The following PIK3R1 variants were observed in gnomAD, a reference collection of about 807,000 sequenced individuals.
PIK3R1 encodes phosphatidylinositol 3-kinase regulatory subunit alpha.
In PIK3R1, 29 loss-of-function variants were observed where a neutral mutation model predicts 98.0. The observed-to-expected ratio is 0.30, with a 90% confidence interval of 0.22 to 0.40. The LOEUF (loss-of-function observed/expected upper bound fraction) is 0.40, where lower values mean the gene tolerates loss of function less well. PIK3R1 is among the 10% of genes least tolerant of loss of function. The pLI, the probability that PIK3R1 is intolerant of heterozygous loss-of-function variation, is 1.00. For synonymous variants in PIK3R1, 282 were observed against 311.8 expected (o/e 0.90, Z 1.01); for missense variants, 596 against 872.7 (o/e 0.68, Z 3.99).
chr5:68,293,061 T>C, intron 8 of PIK3R1, 40 bp from the exon 9 acceptor site: 1 of 1,503,042 alleles, frequency 6.7e-7, no homozygotes, highest in South Asian at 1.1e-5. Flanking sequence ...CTGTGGTCAC[T>C]AAACCTTAAG....
At chr5:68,264,739 A>C (rs1254059115) in intron 2 of PIK3R1, among the ~76,000 whole-genome samples, 1 of 152,212 alleles carries the variant, frequency 6.6e-6, no homozygotes, top group African/African-American at 2.4e-5. Flanking sequence ...TGGCATGGGC[A>C]TCAGGAGGCC....
intron 12 of PIK3R1, 79 bp from the exon 13 acceptor site, chr5:68,295,069 A>G (rs1298460627): frequency 8.3e-7 from 1 of 1,205,422 alleles, no homozygotes; most frequent in Non-Finnish European, 1.1e-6. Context: ...CTGGGAAACC[A>G]TAGTGAAACT....
intron 1 of PIK3R1, among the ~76,000 whole-genome samples, chr5:68,225,094 G>A (rs1417941672): frequency 1.3e-5 from 2 of 152,232 alleles, no homozygotes; most frequent in South Asian, 2.1e-4. Context: ...CTCCTGTCTG[G>A]ATGCCTTTGC....
At position 68,300,709 on chromosome 5, in the gene PIK3R1, T is replaced by C; in HGVS notation, c.*3108T>C. 1 of 233,264 alleles carries C rather than the reference T, an allele frequency of 4.3e-6. No individual in the cohort carries two copies. Among genetic ancestry groups the C allele is most frequent in the East Asian group, 6.0e-5 (1 of 16,574 alleles). The allele number at this position is 233,264 out of a possible 1,614,324, so 14.4% of individuals were successfully genotyped here. A position where few individuals can be genotyped will look rare whatever the true frequency, so the allele number is the denominator to read the frequency against. Reference sequence around the variant, plus strand: ...ACAGTAGTTGTTGAGTTCAAGTACATAAAGTACATAACAAGCGAACGTCTA... The same window carrying C: ...ACAGTAGTTGTTGAGTTCAAGTACACAAAGTACATAACAAGCGAACGTCTA... On this transcript the variant is annotated 3_prime_UTR_variant, in exon 16 of 16. Coordinates refer to ENST00000521381, the MANE Select transcript of PIK3R1 (RefSeq NM_181523.3).
intron 2 of PIK3R1, among the ~76,000 whole-genome samples, chr5:68,265,687 G>C (rs1466183065): frequency 3.9e-5 from 6 of 152,114 alleles, no homozygotes; most frequent in Admixed American, 2.0e-4. Context: ...CATGAATCTG[G>C]GGGGAAGGGA....
In PIK3R1 at chr5:68,301,381, T is replaced by A. The variant is rs1748043578; in HGVS notation, c.*3780T>A. ...ATATATATATATGTGTGTGTGTGTG[T>A]GTGTGTGTGTGTATATATATATATA... On this transcript the variant is annotated 3_prime_UTR_variant, in exon 16 of 16. Coordinates refer to ENST00000521381, the MANE Select transcript of PIK3R1 (RefSeq NM_181523.3). 1 of 46,728 alleles carries A rather than the reference T, an allele frequency of 2.1e-5. No individual in the cohort carries two copies. Among genetic ancestry groups the A allele is most frequent in the Non-Finnish European group, 4.3e-5 (1 of 23,114 alleles). 2.9% of individuals were successfully genotyped at this position (46,728 alleles called of 1,614,324 possible). A position where few individuals can be genotyped will look rare whatever the true frequency, so the allele number is the denominator to read the frequency against.
chr5:68,248,894 C>T (rs1745199672), intron 2 of PIK3R1, among the ~76,000 whole-genome samples: 2 of 152,144 alleles, frequency 1.3e-5, no homozygotes, highest in Middle Eastern at 6.8e-3. Flanking sequence ...GGAGTGAGGC[C>T]ATAATAAACC....
chr5:68,225,902 G>A (rs564630402), intron 1 of PIK3R1, among the ~76,000 whole-genome samples: 4 of 152,112 alleles, frequency 2.6e-5, no homozygotes, highest in African/African-American at 7.2e-5. Context: ...TGTAACTAGC[G>A]TCCGACCACA....
At chr5:68,257,647 A>G (rs542091300) in intron 2 of PIK3R1, among the ~76,000 whole-genome samples, 15 of 152,362 alleles carry the variant, frequency 9.8e-5, no homozygotes, top group African/African-American at 3.6e-4. Context: ...AACATTTACT[A>G]TATATAGCAC....
chr5:68,261,169 A>C (rs950101891), intron 2 of PIK3R1, among the ~76,000 whole-genome samples: 2 of 152,182 alleles, frequency 1.3e-5, no homozygotes, highest in South Asian at 4.1e-4. Flanking sequence ...ATATAGAATT[A>C]TTTTTTAAGT....
intron 2 of PIK3R1, among the ~76,000 whole-genome samples, chr5:68,257,346 A>G (rs1745558624): frequency 6.6e-6 from 1 of 152,200 alleles, no homozygotes; most frequent in Non-Finnish European, 1.5e-5. Flanking sequence ...AGGGCTGGTA[A>G]TTACAGTTTA....
At chr5:68,242,857 C>G (rs983985860) in intron 2 of PIK3R1, among the ~76,000 whole-genome samples, 1 of 152,118 alleles carries the variant, frequency 6.6e-6, no homozygotes, top group African/African-American at 2.4e-5. Flanking sequence ...TCAAGTTGGC[C>G]AGAGAAGACT....
chr5:68,271,890 A>G (rs1005831065), intron 2 of PIK3R1, among the ~76,000 whole-genome samples: 1 of 152,220 alleles, frequency 6.6e-6, no homozygotes, highest in African/African-American at 2.4e-5. Flanking sequence ...TCAAAATTTA[A>G]TAACATTACT....
chr5:68,279,868 T>C, intron 5 of PIK3R1, 135 bp downstream of exon 5: 1 of 789,992 alleles, frequency 1.3e-6, no homozygotes, highest in Non-Finnish European at 2.0e-6. Flanking sequence ...CAATACCACC[T>C]CAAATTTCCT....
At chr5:68,223,075 A>G (rs2111946345) in intron 1 of PIK3R1, among the ~76,000 whole-genome samples, 1 of 152,044 alleles carries the variant, frequency 6.6e-6, no homozygotes, top group East Asian at 1.9e-4. Context: ...TATAGTCAGC[A>G]TCATCATATC....
chr5:68,276,339 C>T (rs7735204), intron 4 of PIK3R1, among the ~76,000 whole-genome samples: 43,887 of 152,084 alleles, frequency 0.29, 8,202 homozygotes, highest in African/African-American at 0.54. Context: ...TTGTGACAAT[C>T]AGAAATGTCT....
chr5:68,294,346 C>T (rs1020009031), intron 11 of PIK3R1, among the ~76,000 whole-genome samples, 190 bp from the exon 12 acceptor site: 7 of 152,268 alleles, frequency 4.6e-5, no homozygotes, highest in South Asian at 2.1e-4. Flanking sequence ...GAAATTGCTA[C>T]GCAATCATTT....
chr5:68,297,233 ACAGT>A (rs776330833), intron 15 of PIK3R1, among the ~76,000 whole-genome samples, 175 bp from the exon 16 acceptor site: 11 of 152,226 alleles, frequency 7.2e-5, no homozygotes, highest in Non-Finnish European at 1.5e-4. Flanking sequence ...AGATGAAAAT[ACAGT>A]CAGTCAGTGA....
intron 2 of PIK3R1, among the ~76,000 whole-genome samples, chr5:68,264,539 T>C (rs531278454): frequency 1.3e-5 from 2 of 152,330 alleles, no homozygotes; most frequent in East Asian, 3.9e-4. Flanking sequence ...TCTTAGAGCG[T>C]TGTACAGATT....
Sources: allele counts gnomAD v4.1 joint callset (sites outside exome capture counted in the v4.1 genomes callset), GRCh38; gene constraint gnomAD v4.1.1; transcripts MANE v1.5; gene names NCBI Gene and HGNC (gene_info 2026-07-23, HGNC 2026-07-21).